The following KIAA1328 variants were observed in gnomAD, a reference collection of about 807,000 sequenced individuals.
KIAA1328 encodes KIAA1328, also known as protein hinderin.
A neutral mutation model predicts 68.1 loss-of-function variants in KIAA1328; 52 were observed. The observed-to-expected ratio is 0.76, with a 90% CI of 0.61 to 0.96. KIAA1328 has a LOEUF of 0.96. Ranked by LOEUF, KIAA1328 falls within the 40% of genes least tolerant of loss-of-function variation. The probability of loss-of-function intolerance (pLI) is 0.00; values close to 1 mark genes in which losing one functional copy is unlikely to be tolerated. For missense variants in KIAA1328, 641 were observed against 677.6 expected (o/e 0.95, Z 0.60); for synonymous variants, 232 against 239.4 (o/e 0.97, Z 0.28).
At chr18:37,017,155 A>G (rs1005861497) in intron 6 of KIAA1328, among the ~76,000 whole-genome samples, 2 of 151,838 alleles carry the variant, frequency 1.3e-5, no homozygotes, top group Non-Finnish European at 2.9e-5. Flanking sequence ...ATGTTTTGGT[A>G]TGTCTCCTTT....
intron 4 of KIAA1328, among the ~76,000 whole-genome samples, chr18:36,868,243 G>A (rs1346484660): frequency 3.9e-5 from 6 of 152,176 alleles, no homozygotes; most frequent in Non-Finnish European, 8.8e-5. Flanking sequence ...TAAAGTAAAT[G>A]AAGGGGTTTC....
intron 5 of KIAA1328, among the ~76,000 whole-genome samples, chr18:36,910,264 T>G (rs1449927959): frequency 1.3e-5 from 2 of 152,120 alleles, no homozygotes; most frequent in South Asian, 2.1e-4. Context: ...GGTCTAACAT[T>G]TAAGTCTTTA....
At chr18:36,865,056 CTT>C (rs1194535058) in intron 4 of KIAA1328, among the ~76,000 whole-genome samples, 12 of 149,356 alleles carry the variant, frequency 8.0e-5, no homozygotes, top group Non-Finnish European at 1.5e-5. Flanking sequence ...TTTTTTCACT[CTT>C]ATCTCTATTA....
intron 9 of KIAA1328, among the ~76,000 whole-genome samples, chr18:37,214,688 A>C (rs1024050224): frequency 6.6e-6 from 1 of 152,194 alleles, no homozygotes; most frequent in Non-Finnish European, 1.5e-5. Flanking sequence ...TCTGTGAAGA[A>C]AGTCATTGGT....
chr18:37,023,959 A>G (rs572570830), intron 6 of KIAA1328, among the ~76,000 whole-genome samples: 2 of 152,208 alleles, frequency 1.3e-5, no homozygotes, highest in Admixed American at 6.5e-5. Flanking sequence ...ACTCTCCTCC[A>G]GTCTTTTACC....
chr18:37,142,895 T>C (rs1179497136), intron 7 of KIAA1328, among the ~76,000 whole-genome samples: 1 of 152,052 alleles, frequency 6.6e-6, no homozygotes, highest in African/African-American at 2.4e-5. Context: ...CTAAAAAATA[T>C]TGAGTTTTCC....
At chr18:37,088,066 C>T (rs1175825504) in intron 7 of KIAA1328, among the ~76,000 whole-genome samples, 1 of 152,154 alleles carries the variant, frequency 6.6e-6, no homozygotes, top group African/African-American at 2.4e-5. Flanking sequence ...CTGCTTCCTC[C>T]AGTCTCTGAG....
intron 7 of KIAA1328, among the ~76,000 whole-genome samples, chr18:37,081,596 C>T (rs186957881): frequency 6.6e-6 from 1 of 152,234 alleles, no homozygotes; most frequent in East Asian, 1.9e-4. Context: ...ATTTTAAAAA[C>T]CCATGATAAT....
chr18:37,126,326 G>A (rs1202888045), intron 7 of KIAA1328, among the ~76,000 whole-genome samples: 6 of 152,056 alleles, frequency 3.9e-5, no homozygotes, highest in Non-Finnish European at 8.8e-5. Flanking sequence ...ACAACTTTAT[G>A]CCAATAAATT....
chr18:37,192,768 C>T (rs899408336), intron 9 of KIAA1328, among the ~76,000 whole-genome samples: 1 of 152,094 alleles, frequency 6.6e-6, no homozygotes, highest in East Asian at 1.9e-4. Flanking sequence ...TATTAAATGG[C>T]CATTATCTAA....
At chr18:37,062,480 T>C (rs1599125353) in intron 6 of KIAA1328, among the ~76,000 whole-genome samples, 2 of 150,746 alleles carry the variant, frequency 1.3e-5, no homozygotes, top group Admixed American at 6.6e-5. Context: ...TGAGACAGAG[T>C]CTCACTCTAG....
chr18:36,982,040 T>C (rs971162898), intron 6 of KIAA1328, among the ~76,000 whole-genome samples: 5 of 148,174 alleles, frequency 3.4e-5, no homozygotes, highest in African/African-American at 1.2e-4. Flanking sequence ...ACTAAAATCA[T>C]TGAGTTGTTG....
intron 6 of KIAA1328, among the ~76,000 whole-genome samples, chr18:37,033,598 A>G (rs2054915909): frequency 6.6e-6 from 1 of 152,204 alleles, no homozygotes; most frequent in African/African-American, 2.4e-5. Context: ...TGTTTCATTT[A>G]CAACTCCCTG....
chr18:37,008,524 C>G (rs1184529564), intron 6 of KIAA1328, among the ~76,000 whole-genome samples: 1 of 152,116 alleles, frequency 6.6e-6, no homozygotes, highest in East Asian at 1.9e-4. Context: ...AAAAAAAACC[C>G]AGAAAATTAT....
At chr18:36,992,678 T>C (rs1445210611) in intron 6 of KIAA1328, among the ~76,000 whole-genome samples, 1 of 152,202 alleles carries the variant, frequency 6.6e-6, no homozygotes, top group Non-Finnish European at 1.5e-5. Context: ...CAGATTCTTC[T>C]GTGAGGAGAT....
At chr18:37,057,082 CA>C (rs2055940372) in intron 6 of KIAA1328, among the ~76,000 whole-genome samples, 1 of 152,028 alleles carries the variant, frequency 6.6e-6, no homozygotes, top group African/African-American at 2.4e-5. Context: ...TGCTAAATGT[CA>C]TTTGTTCATT....
intron 9 of KIAA1328, among the ~76,000 whole-genome samples, chr18:37,190,786 C>T (rs575184368): frequency 2.8e-4 from 42 of 152,240 alleles, no homozygotes; most frequent in South Asian, 1.5e-3. Context: ...TATGCTGGCC[C>T]AGTGTCAACT....
intron 6 of KIAA1328, among the ~76,000 whole-genome samples, chr18:36,986,148 G>A (rs1330116762): frequency 6.6e-6 from 1 of 151,664 alleles, no homozygotes. Context: ...TTACACACTG[G>A]TATTCACAGC....
chr18:36,942,220 T>A (rs377430599), intron 5 of KIAA1328, among the ~76,000 whole-genome samples: 1 of 152,240 alleles, frequency 6.6e-6, no homozygotes, highest in East Asian at 1.9e-4. Flanking sequence ...GCGCATATTT[T>A]AAATATTTCT....
Sources: gnomAD v4.1 joint callset for allele counts (sites outside exome capture counted in the v4.1 genomes callset) on GRCh38, gnomAD v4.1.1 for gene constraint, MANE v1.5 for transcripts, NCBI Gene and HGNC (gene_info 2026-07-23, HGNC 2026-07-21) for gene names.